The following BTLA variants were observed in gnomAD, a reference collection of about 807,000 sequenced individuals.
BTLA encodes B and T lymphocyte associated, also known as B- and T-lymphocyte attenuator.
Under a neutral mutation model 25.0 loss-of-function variants are expected in BTLA, and 11 were observed. The ratio of observed to expected loss-of-function variants is 0.44; its 90% CI spans 0.28 to 0.73. The LOEUF is 0.73. Ranked by LOEUF, BTLA falls within the 30% of genes least tolerant of loss-of-function variation. The probability of loss-of-function intolerance (pLI) is 0.15; values close to 1 mark genes in which losing one functional copy is unlikely to be tolerated. For synonymous variants in BTLA, 104 were observed against 119.8 expected (o/e 0.87, Z 0.86); for missense variants, 282 against 332.8 (o/e 0.85, Z 1.19).
chr3:112,477,697 T>C (rs191265254), intron 2 of BTLA, among the ~76,000 whole-genome samples: 1 of 152,234 alleles, frequency 6.6e-6, no homozygotes, highest in East Asian at 1.9e-4. Context: ...CATTTATCCC[T>C]ATGTTTTCTC....
At chr3:112,490,723 A>G (rs2082375667) in intron 1 of BTLA, among the ~76,000 whole-genome samples, 1 of 14,646 alleles carries the variant, frequency 6.8e-5, no homozygotes, top group African/African-American at 2.0e-4. Context: ...ATTTATGCCC[A>G]TTATTTAAAA....
At chr3:112,469,192 A>T (rs1373667875) in intron 4 of BTLA, among the ~76,000 whole-genome samples, 2 of 152,176 alleles carry the variant, frequency 1.3e-5, no homozygotes, top group African/African-American at 4.8e-5. Context: ...TGACTCCAAA[A>T]TTCCCTTCCT....
In BTLA at chr3:112,499,348, A is replaced by C; in HGVS notation, c.11T>G (p.Leu4Trp). Reference sequence around the variant, plus strand: ...TTTCCCAGTTCCAAGCATGGCAGGCAATGTCTTCATTTCCTGCACATATCA... The same window carrying C: ...TTTCCCAGTTCCAAGCATGGCAGGCCATGTCTTCATTTCCTGCACATATCA... MKT[L>W]PAMLGTGKLF... Residue 4 changes from leucine (L) to tryptophan (W), a missense_variant, in exon 1 of 5, where the codon TTG becomes TGG. By Grantham distance (61) the Leu-to-Trp change is moderately conservative (BLOSUM62 -2). Coordinates refer to ENST00000334529, the MANE Select transcript of BTLA (RefSeq NM_181780.4). The C allele has an allele frequency of 6.2e-7, 1 of 1,613,740 alleles. No individual in the cohort carries two copies. Among genetic ancestry groups the C allele is most frequent in the Non-Finnish European group, 8.5e-7 (1 of 1,179,832 alleles).
chr3:112,466,360 C>T lies in BTLA; in HGVS notation c.618G>A (p.Glu206=), dbSNP rs959550169. 4 of 1,611,806 alleles carry T rather than the reference C, an allele frequency of 2.5e-6. No individual in the cohort carries two copies. Among genetic ancestry groups the T allele is most frequent in the Admixed American group, 1.7e-5 (1 of 59,890 alleles). Residue 206 remains glutamate, a synonymous_variant, in exon 5 of 5, where the codon GAG becomes GAA. Coordinates refer to ENST00000334529, the MANE Select transcript of BTLA (RefSeq NM_181780.4). ...INLVDAHLKS[E]QTEASTRQNS... ...TTTGCCTGGTGCTTGCTTCTGTTTG[C>T]TCACTCTTAAGGTGAGCATCAACCT...
chr3:112,497,398 G>A (rs2082415070), intron 1 of BTLA, among the ~76,000 whole-genome samples: 1 of 152,184 alleles, frequency 6.6e-6, no homozygotes, highest in African/African-American at 2.4e-5. Context: ...GGCAGAGCCA[G>A]TAAATTAACC....
Position 112,464,203 on chromosome 3 carries a change from T to C in BTLA, c.*1905A>G, listed in dbSNP as rs2082212616. 1.0e-5 allele frequency: 4 copies of C among 397,770 alleles called. No individual in the cohort carries two copies. The highest frequency in any genetic ancestry group is 2.1e-5 in the African/African-American group (1 of 48,602). 24.6% of individuals were successfully genotyped at this position (397,770 alleles called of 1,614,324 possible). Reference sequence around the variant, plus strand: ...AATGATTTGTGATTTTGGCAAACAGTACAAATATATTAATACATCTTAGAG... The same window carrying C: ...AATGATTTGTGATTTTGGCAAACAGCACAAATATATTAATACATCTTAGAG... On this transcript the variant is annotated 3_prime_UTR_variant, in exon 5 of 5. Transcript: ENST00000334529.
rs189787975 is a variant in BTLA at position 112,476,541 on chromosome 3, G to A, written c.403+2914C>T. 5.9e-5 allele frequency among the ~76,000 whole-genome samples: 9 copies of A among 152,266 alleles called. No homozygotes were observed. In the East Asian group the frequency reaches 1.7e-3, roughly 29 times the overall value. On this transcript the variant is annotated intron_variant, in intron 2 of 4. Coordinates refer to ENST00000334529, the MANE Select transcript of BTLA (RefSeq NM_181780.4). ...GTTGCATCCAGAGTTCAGCCATGCT[G>A]CTATTGCAATAACCCTCTTTTGAAA...
At chr3:112,498,810 A>C (rs1331306161) in intron 1 of BTLA, among the ~76,000 whole-genome samples, 1 of 152,058 alleles carries the variant, frequency 6.6e-6, no homozygotes, top group African/African-American at 2.4e-5. Flanking sequence ...TTTAGAGGTA[A>C]TATTATTTGA....
At chr3:112,471,825 C>T (rs994547104) in intron 2 of BTLA, among the ~76,000 whole-genome samples, 9 of 152,260 alleles carry the variant, frequency 5.9e-5, no homozygotes, top group Admixed American at 3.9e-4. Context: ...TTCCTTGTCT[C>T]GTAACTTATC....
chr3:112,487,374 C>T (rs894966000), intron 1 of BTLA, among the ~76,000 whole-genome samples: 3 of 152,244 alleles, frequency 2.0e-5, no homozygotes, highest in South Asian at 4.1e-4. Flanking sequence ...CACCAGAGGT[C>T]GGGAGTTTGA....
In BTLA at chr3:112,469,607, GTATATATATATATATATA is replaced by G. The variant is rs60258722; in HGVS notation, c.594+133_594+150del. ...TTCACATTTTTAAAAATGGGTCTAT[GTATATATATATATATATA>G]TATATATATATATATATATATATAG... On this transcript the variant is annotated intron_variant, in intron 4 of 4. Transcript: ENST00000334529. The G allele has an allele frequency of 9.1e-4, 53 of 58,404 alleles. 3 individuals are homozygous for G. Among genetic ancestry groups the G allele is most frequent in the Middle Eastern group, 0.013 (2 of 152 alleles). The allele number at this position is 58,404 out of a possible 1,614,324, so 3.6% of individuals were successfully genotyped here.
At chr3:112,492,102 C>T (rs1576692226) in intron 1 of BTLA, among the ~76,000 whole-genome samples, 1 of 151,704 alleles carries the variant, frequency 6.6e-6, no homozygotes, top group East Asian at 1.9e-4. Flanking sequence ...TGTCCCCTTG[C>T]AGATCTACCC....
chr3:112,474,217 G>GA (rs1180294509), intron 2 of BTLA, among the ~76,000 whole-genome samples: 1 of 152,030 alleles, frequency 6.6e-6, no homozygotes, highest in African/African-American at 2.4e-5. Flanking sequence ...TATTTCACAG[G>GA]AAAAAATAAA....
rs115050486 is a variant in BTLA at position 112,473,863 on chromosome 3, G to A, written c.404-2508C>T. ...ACTCCTGACCTCAAGTGATTTGTTC[G>A]TCTTGGCCTCCCAAAGTGCTAGGAT... On this transcript the variant is annotated intron_variant, in intron 2 of 4. Transcript: ENST00000334529. Among the ~76,000 whole-genome samples, 603 of 151,986 alleles carry A rather than the reference G, an allele frequency of 4.0e-3. 3 individuals carry two copies. The highest frequency in any genetic ancestry group is 0.014 in the African/African-American group (576 of 41,448).
chr3:112,488,228 CTTTTTTTTT>C (rs546779181), intron 1 of BTLA, among the ~76,000 whole-genome samples: 1 of 124,848 alleles, frequency 8.0e-6, no homozygotes, highest in Non-Finnish European at 1.6e-5. Flanking sequence ...TTTCTTTTTT[CTTTTTTTTT>C]TTTTTTTTGA....
chr3:112,483,725 T>C (rs1003920054), intron 1 of BTLA, among the ~76,000 whole-genome samples: 6 of 151,650 alleles, frequency 4.0e-5, no homozygotes, highest in Non-Finnish European at 8.8e-5. Context: ...CCCAGCACTT[T>C]GGGAGGCCGA....
intron 4 of BTLA, among the ~76,000 whole-genome samples, chr3:112,467,284 T>C (rs1259601908): frequency 6.6e-6 from 1 of 152,194 alleles, no homozygotes; most frequent in Non-Finnish European, 1.5e-5. Flanking sequence ...GTTTCAAATA[T>C]AGCCAAATAT....
rs1008153335 is a variant in BTLA at position 112,465,760 on chromosome 3, C to A, written c.*348G>T. On this transcript the variant is annotated 3_prime_UTR_variant, in exon 5 of 5. Coordinates refer to ENST00000334529, the MANE Select transcript of BTLA (RefSeq NM_181780.4). Reference sequence around the variant, plus strand: ...AGTGAACTGATGCAGGTAACACAAACCTCTTTTCCCTACAAGTCTTTCCAA... The same window carrying A: ...AGTGAACTGATGCAGGTAACACAAAACTCTTTTCCCTACAAGTCTTTCCAA... 4.7e-5 allele frequency: 8 copies of A among 171,442 alleles called. No individual in the cohort carries two copies. Among genetic ancestry groups the A allele is most frequent in the Non-Finnish European group, 7.4e-5 (6 of 80,930 alleles). The allele number at this position is 171,442 out of a possible 1,614,324, so 10.6% of individuals were successfully genotyped here. A position where few individuals can be genotyped will look rare whatever the true frequency, so the allele number is the denominator to read the frequency against.
chr3:112,483,679 C>T (rs892593270), intron 1 of BTLA, among the ~76,000 whole-genome samples: 2 of 151,640 alleles, frequency 1.3e-5, no homozygotes, highest in East Asian at 1.9e-4. Flanking sequence ...TAAAGAGGTA[C>T]AAACAAGGCC....
Sources: allele counts gnomAD v4.1 joint callset (sites outside exome capture counted in the v4.1 genomes callset), GRCh38; gene constraint gnomAD v4.1.1; transcripts MANE v1.5; gene names NCBI Gene and HGNC (gene_info 2026-07-23, HGNC 2026-07-21).